RPH3AL: variants seen among roughly 807,000 people sequenced by gnomAD.
RPH3AL encodes the protein rabphilin 3A like (without C2 domains).
RPH3AL carries 38 observed loss-of-function variants against 43.1 expected under a neutral mutation model. That is an observed-to-expected ratio of 0.88 (90% CI 0.68 to 1.15). The LOEUF (loss-of-function observed/expected upper bound fraction) is 1.15. RPH3AL is among the 50% of genes most tolerant of loss of function. RPH3AL has a pLI of 0.00. For synonymous variants in RPH3AL, 189 were observed against 176.3 expected (o/e 1.07, Z -0.57); for missense variants, 462 against 423.2 (o/e 1.09, Z -0.81).
rs2041776963 is a variant in RPH3AL, at chr17:246,855, C to A, written c.613+256G>T. On this transcript the variant is annotated intron_variant, in intron 7 of 9. Transcript: ENST00000331302. This position sits in a 1 kb window ranked among gnomAD's most constrained non-coding sequence, Gnocchi z 4.8. ...GCTCATGGCATCCTTGCCCCCAGAG[C>A]AGTACTTGTATGTGATACTGCCCCC... is the stretch of plus-strand genomic sequence containing the variant. Among the ~76,000 whole-genome samples the A allele has an allele frequency of 1.3e-5, 2 of 152,360 alleles. No individual in the cohort carries two copies. Among genetic ancestry groups the A allele is most frequent in the South Asian group, 4.1e-4 (2 of 4,834 alleles).
At chr17:232,827 G>GGTGTGTGT (rs1296326264) in intron 7 of RPH3AL, among the ~76,000 whole-genome samples, 1 of 130,180 alleles carries the variant, frequency 7.7e-6, no homozygotes, top group East Asian at 2.2e-4. Context: ...AGTCCTTTCC[G>GGTGTGTGT]GCGTGTGTGT....
chr17:252,516 G>A (rs782246836), intron 6 of RPH3AL, among the ~76,000 whole-genome samples: 1 of 152,068 alleles, frequency 6.6e-6, no homozygotes, highest in African/African-American at 2.4e-5. Flanking sequence ...ACCTCACTAC[G>A]CATCAGAGCA....
Position 294,369 on chromosome 17 carries a change from G to A in RPH3AL, c.352-12515C>T, listed in dbSNP as rs116006148. ...GCAGTCACAGCTACTTGGAAGAATC[G>A]TTTGAGCTCAGAAGGTCGAGGCTGC... is the stretch of plus-strand genomic sequence containing the variant. On this transcript the variant is annotated intron_variant, in intron 5 of 9. Coordinates refer to ENST00000331302, the MANE Select transcript of RPH3AL (RefSeq NM_006987.4). 3.9e-4 allele frequency among the ~76,000 whole-genome samples: 59 copies of A among 152,206 alleles called. 1 individual carries two copies. The highest frequency in any genetic ancestry group is 1.2e-3 in the African/African-American group (51 of 41,512).
chr17:246,266 G>A lies in RPH3AL; in HGVS notation c.613+845C>T, dbSNP rs925073125. On this transcript the variant is annotated intron_variant, in intron 7 of 9. Coordinates refer to ENST00000331302, the MANE Select transcript of RPH3AL (RefSeq NM_006987.4). The surrounding 1 kb of genome is among the most constrained non-coding windows in gnomAD (Gnocchi z 4.8). ...CTTCCTCCAAGACGAGCCATGATCC[G>A]AACGAGCCTCCCTCACCCCTCTGCC... 5.3e-5 allele frequency among the ~76,000 whole-genome samples: 8 copies of A among 152,110 alleles called. 1 individual carries two copies. The highest frequency in any genetic ancestry group is 2.1e-4 in the South Asian group (1 of 4,808).
At chr17:286,399 C>G (rs2042912461) in intron 5 of RPH3AL, among the ~76,000 whole-genome samples, 1 of 151,814 alleles carries the variant, frequency 6.6e-6, no homozygotes, top group Admixed American at 6.6e-5. Context: ...AGTTCTCCAC[C>G]TCAGCCATCC....
chr17:263,644 G>A (rs1279320963), intron 6 of RPH3AL, among the ~76,000 whole-genome samples: 3 of 152,224 alleles, frequency 2.0e-5, no homozygotes, highest in Non-Finnish European at 4.4e-5. Flanking sequence ...CGACTCGTGG[G>A]GAGCTGGCAC....
At chr17:312,727 A>C (rs2043675094) in intron 5 of RPH3AL, among the ~76,000 whole-genome samples, 1 of 152,236 alleles carries the variant, frequency 6.6e-6, no homozygotes, top group African/African-American at 2.4e-5. Flanking sequence ...CGATGACAGA[A>C]GCTTAATGAC....
intron 6 of RPH3AL, 104 bp downstream of exon 6, chr17:281,664 G>GACCCCCCCCCCCCCCCC: frequency 1.7e-6 from 1 of 574,676 alleles, no homozygotes; most frequent in Non-Finnish European, 3.3e-6. Flanking sequence ...AGCGTATCCA[G>GACCCCCCCCCCCCCCCC]CCCGCCCAGC....
chr17:309,807 C>T (rs2043600176), intron 5 of RPH3AL, among the ~76,000 whole-genome samples: 1 of 152,182 alleles, frequency 6.6e-6, no homozygotes, highest in Admixed American at 6.5e-5. Context: ...CAGCAGGACA[C>T]ATCCCCTCCT....
At chr17:315,498 T>C (rs2043979048) in intron 5 of RPH3AL, among the ~76,000 whole-genome samples, 1 of 149,110 alleles carries the variant, frequency 6.7e-6, no homozygotes, top group African/African-American at 2.5e-5. Flanking sequence ...CTGTAGTCCC[T>C]GTGACTCCAC....
At chr17:228,838 T>C (rs1261343042) in intron 7 of RPH3AL, among the ~76,000 whole-genome samples, 1 of 152,092 alleles carries the variant, frequency 6.6e-6, no homozygotes, top group African/African-American at 2.4e-5. Flanking sequence ...CTGTGCCCTC[T>C]CTGGACCCTT....
At chr17:301,075 C>A (rs1459748823) in intron 5 of RPH3AL, among the ~76,000 whole-genome samples, 1 of 152,274 alleles carries the variant, frequency 6.6e-6, no homozygotes, top group African/African-American at 2.4e-5. Context: ...CAGGCCCACT[C>A]TGTAGGGGCG....
chr17:275,920 C>T (rs1273853737), intron 6 of RPH3AL, among the ~76,000 whole-genome samples: 1 of 152,138 alleles, frequency 6.6e-6, no homozygotes, highest in Non-Finnish European at 1.5e-5. Flanking sequence ...GAAAACCAGG[C>T]GAGGGACTAG....
Position 331,869 on chromosome 17 carries a change from A to C in RPH3AL, c.-37+1890T>G, listed in dbSNP as rs1293528768. The C allele has an allele frequency of 2.3e-6, 3 of 1,289,148 alleles. No homozygotes were observed. In the Admixed American group the frequency reaches 6.9e-5, roughly 30 times the overall value. 79.9% of individuals were successfully genotyped at this position (1,289,148 alleles called of 1,614,324 possible). A position where few individuals can be genotyped will look rare whatever the true frequency, so the allele number is the denominator to read the frequency against. On this transcript the variant is annotated intron_variant, in intron 2 of 9. Transcript: ENST00000331302. ...ACAGACTGCGCCCTTGTACTCAGGT[A>C]TGACCATTTGTCCTGGACAAAAATT...
rs1025029880 is a variant in RPH3AL, at chr17:212,467, C to T, written c.*1385G>A. ...GACGCATCTCAGAAACACAGGCAATCGTGGTCTTCGATCAACACACTGGCT... is the reference window on the plus strand; with the variant it reads ...GACGCATCTCAGAAACACAGGCAATTGTGGTCTTCGATCAACACACTGGCT... On this transcript the variant is annotated 3_prime_UTR_variant, in exon 10 of 10. Transcript: ENST00000331302. 6 of 152,112 alleles carry T rather than the reference C, an allele frequency of 3.9e-5. No individual in the cohort carries two copies. The highest frequency in any genetic ancestry group is 2.1e-4 in the South Asian group (1 of 4,818). The allele number at this position is 152,112 out of a possible 1,614,324, so 9.4% of individuals were successfully genotyped here. A position where few individuals can be genotyped will look rare whatever the true frequency, so the allele number is the denominator to read the frequency against.
intron 5 of RPH3AL, among the ~76,000 whole-genome samples, chr17:300,225 A>C (rs111271130): frequency 0.33 from 15,230 of 46,856 alleles, 406 homozygotes; most frequent in East Asian, 0.39. Context: ...CCCACTCTAG[A>C]AGGGGCTGGC....
chr17:247,263 C>A lies in RPH3AL; in HGVS notation c.461G>T (p.Trp154Leu). The change falls in exon 7 of 10, where the codon TGG (tryptophan) becomes TTG (leucine). Residue 154 changes from tryptophan (W) to leucine (L), a missense_variant. Transcript: ENST00000331302. ...ATACTTGGGGAGCCCTTTGTAGAACCAGGCCCCCGACCTCTTCCAGACCTG... is the reference window on the plus strand; with the variant it reads ...ATACTTGGGGAGCCCTTTGTAGAACAAGGCCCCCGACCTCTTCCAGACCTG... Reference protein sequence around the residue: ...QREVWKRSGAWFYKGLPKYIL... With the variant: ...QREVWKRSGALFYKGLPKYIL... 4.4e-6 allele frequency: 7 copies of A among 1,597,014 alleles called. No individual in the cohort carries two copies. The highest frequency in any genetic ancestry group is 6.0e-6 in the Non-Finnish European group (7 of 1,170,652).
intron 2 of RPH3AL, chr17:331,766 G>C: frequency 1.6e-6 from 2 of 1,289,190 alleles, no homozygotes; most frequent in Non-Finnish European, 2.0e-6. Context: ...CTTGGGCTCA[G>C]AGGGCAGAAA....
chr17:260,472 G>C (rs1444056697), intron 6 of RPH3AL, among the ~76,000 whole-genome samples: 1 of 152,196 alleles, frequency 6.6e-6, no homozygotes, highest in Non-Finnish European at 1.5e-5. Context: ...GAACAAAGAA[G>C]GGAAAGCAGA....
Sources: allele counts gnomAD v4.1 joint callset (sites outside exome capture counted in the v4.1 genomes callset), GRCh38; gene constraint gnomAD v4.1.1; non-coding constraint Gnocchi (gnomAD v3.1); transcripts MANE v1.5; gene names NCBI Gene and HGNC (gene_info 2026-07-23, HGNC 2026-07-21).